RRM2: variants seen among roughly 807,000 people sequenced by gnomAD.
The protein encoded by RRM2 is ribonucleoside-diphosphate reductase subunit M2.
A neutral mutation model predicts 45.9 loss-of-function variants in RRM2; 6 were observed. The ratio of observed to expected loss-of-function variants is 0.13; its 90% CI spans 0.07 to 0.26. The LOEUF (loss-of-function observed/expected upper bound fraction) is 0.26, where lower values mean the gene tolerates loss of function less well. RRM2 is among the 10% of genes least tolerant of loss of function. The probability of loss-of-function intolerance (pLI) is 1.00; values close to 1 mark genes in which losing one functional copy is unlikely to be tolerated. For missense variants in RRM2, 343 were observed against 489.5 expected, an observed-to-expected ratio of 0.70 and a Z score of 2.82; for synonymous variants, 177 against 173.0, an observed-to-expected ratio of 1.02 and a Z score of -0.18.
upstream of RRM2, among the ~76,000 whole-genome samples, chr2:10,139,682 CTGTT>C (rs1252724439): frequency 6.6e-6 from 1 of 152,166 alleles, no homozygotes; most frequent in African/African-American, 2.4e-5. Flanking sequence ...CGGTTTTGCT[CTGTT>C]TGGGGCGTTT....
rs1368299387 is a variant in RRM2 at position 10,122,822 on chromosome 2, C to T, written c.24C>T (p.Leu8=). MLSLRVP[L]APITDPQQLQ... ...CTATGCTCTCCCTCCGTGTCCCGCT[C>T]GCGCCCATCACGGACCCGCAGCAGC... Residue 8 remains leucine, a synonymous_variant, in exon 1 of 10, where the codon CTC becomes CTT. Coordinates refer to ENST00000304567, the MANE Select transcript of RRM2 (RefSeq NM_001034.4). The T allele has an allele frequency of 3.1e-6, 5 of 1,597,138 alleles. No homozygotes were observed. Among genetic ancestry groups the T allele is most frequent in the Admixed American group, 3.5e-5 (2 of 57,492 alleles).
intron 3 of RRM2, among the ~76,000 whole-genome samples, chr2:10,208,699 C>T (rs2125336148): frequency 6.6e-6 from 1 of 152,270 alleles, no homozygotes; most frequent in Admixed American, 6.5e-5. Flanking sequence ...TATTTGGCAT[C>T]TTTCTCTCCC....
chr2:10,137,502 C>T (rs2125310719), upstream of RRM2, among the ~76,000 whole-genome samples: 1 of 152,340 alleles, frequency 6.6e-6, no homozygotes, highest in South Asian at 2.1e-4. Flanking sequence ...GGGATCCTGT[C>T]CATATAGGAC....
intron 3 of RRM2, among the ~76,000 whole-genome samples, chr2:10,198,023 G>A (rs966130414): frequency 6.6e-6 from 1 of 152,184 alleles, no homozygotes; most frequent in Non-Finnish European, 1.5e-5. Flanking sequence ...CTCTGTCGTT[G>A]TAGGTGTAGA....
In RRM2 at chr2:10,144,665, T is replaced by C. The variant is rs759342; in HGVS notation, n.482+2290T>C. 3.0e-4 allele frequency among the ~76,000 whole-genome samples: 45 copies of C among 152,324 alleles called. No individual in the cohort carries two copies. The East Asian group carries it at 7.1e-3, about 24-fold the overall frequency. On this transcript the variant is annotated intron_variant and non_coding_transcript_variant, in intron 3 of 3. Coordinates refer to the RRM2 transcript ENST00000381786. Reference sequence around the variant, plus strand: ...AAATTGTAGGGCTTCTACTTCCTTTTGAACGGAAGGGCTCCGGAGATATTT... The same window carrying C: ...AAATTGTAGGGCTTCTACTTCCTTTCGAACGGAAGGGCTCCGGAGATATTT...
chr2:10,184,685 G>C (rs7581117), intron 3 of RRM2, among the ~76,000 whole-genome samples: 33,239 of 152,128 alleles, frequency 0.22, 3,947 homozygotes, highest in East Asian at 0.51. Flanking sequence ...GAGACATGAG[G>C]TCTCTCGGTC....
At chr2:10,173,952 G>C (rs746056948) in intron 3 of RRM2, among the ~76,000 whole-genome samples, 4 of 152,194 alleles carry the variant, frequency 2.6e-5, no homozygotes, top group African/African-American at 4.8e-5. Flanking sequence ...CTTGGAGGTG[G>C]GACTGTGGAG....
chr2:10,177,710 T>TTCCTCCCTCCCTCCCTCCCTCC (rs1553326755), intron 3 of RRM2, among the ~76,000 whole-genome samples: 8 of 116,580 alleles, frequency 6.9e-5, no homozygotes, highest in African/African-American at 1.9e-4. Flanking sequence ...TTCCTTCCTC[T>TTCCTCCCTCCCTCCCTCCCTCC]CTCCCTCCCT....
downstream of RRM2, among the ~76,000 whole-genome samples, chr2:10,134,227 T>C (rs1447476858): frequency 2.7e-5 from 4 of 145,998 alleles, no homozygotes; most frequent in African/African-American, 5.1e-5. Flanking sequence ...GAAAGGAGAA[T>C]GACCTCTTTT....
intron 3 of RRM2, among the ~76,000 whole-genome samples, chr2:10,198,256 A>AGAAGTGGACTAAC (rs1664456572): frequency 2.6e-5 from 4 of 152,232 alleles, no homozygotes; most frequent in Non-Finnish European, 5.9e-5. Flanking sequence ...CTGGTCCTCC[A>AGAAGTGGACTAAC]GAAGTGGACT....
intron 3 of RRM2, among the ~76,000 whole-genome samples, chr2:10,201,241 A>C (rs1267791831): frequency 6.6e-6 from 1 of 152,192 alleles, no homozygotes; most frequent in African/African-American, 2.4e-5. Flanking sequence ...GGATACTCAC[A>C]GGTAGTTTCC....
rs537944613 is a variant in RRM2, at chr2:10,205,664, A to G, written n.483-4647A>G. The stretch of plus-strand genomic sequence containing the variant: ...GGATGGAAAACAAACACACAGTTTG[A>G]GAGGGTCCTTTTTATTTTTATTTTA... On this transcript the variant is annotated intron_variant and non_coding_transcript_variant, in intron 3 of 3. Coordinates refer to the RRM2 transcript ENST00000381786. This position sits in a 1 kb window ranked among gnomAD's most constrained non-coding sequence, Gnocchi z 4.8. 6.6e-6 allele frequency among the ~76,000 whole-genome samples: 1 copy of G among 152,242 alleles called. No individual in the cohort carries two copies. The highest frequency in any genetic ancestry group is 2.4e-5 in the African/African-American group (1 of 41,554).
At position 10,131,413 on chromosome 2, in the gene RRM2, C is replaced by T. The variant is rs1288926804; in HGVS notation, c.*2027C>T. 6.7e-6 allele frequency: 1 copy of T among 150,202 alleles called. No individual in the cohort carries two copies. Among genetic ancestry groups the T allele is most frequent in the African/African-American group, 2.5e-5 (1 of 39,980 alleles). 9.3% of individuals were successfully genotyped at this position (150,202 alleles called of 1,614,324 possible). A position where few individuals can be genotyped will look rare whatever the true frequency, so the allele number is the denominator to read the frequency against. ...GATTAAAATAAAACTGTTCTTATGT[C>T]AGTTTCTTGATTGGTAAAATTTGCA... is the stretch of plus-strand genomic sequence containing the variant. On this transcript the variant is annotated 3_prime_UTR_variant, in exon 10 of 10. Transcript: ENST00000304567.
chr2:10,173,596 G>A (rs1489473511), intron 3 of RRM2, among the ~76,000 whole-genome samples: 1 of 152,246 alleles, frequency 6.6e-6, no homozygotes, highest in African/African-American at 2.4e-5. Context: ...CGGAGCTTGG[G>A]AGCCTCACCT....
At chr2:10,201,233 A>C (rs1664565242) in intron 3 of RRM2, among the ~76,000 whole-genome samples, 1 of 152,154 alleles carries the variant, frequency 6.6e-6, no homozygotes. Flanking sequence ...TAATTTAAGG[A>C]TACTCACAGG....
At chr2:10,170,974 C>T (rs886515640) in intron 3 of RRM2, among the ~76,000 whole-genome samples, 18 of 152,264 alleles carry the variant, frequency 1.2e-4, no homozygotes, top group Non-Finnish European at 2.1e-4. Context: ...CCAGCCCAGG[C>T]ACCTCGGGGC....
At chr2:10,138,843 C>T (rs1362556504), upstream of RRM2, among the ~76,000 whole-genome samples, 1 of 152,074 alleles carries the variant, frequency 6.6e-6, no homozygotes, top group Non-Finnish European at 1.5e-5. Flanking sequence ...CGTGGTGGCT[C>T]ACGCCTGTAA....
At chr2:10,167,176 T>C (rs934106250) in intron 3 of RRM2, among the ~76,000 whole-genome samples, 2 of 152,236 alleles carry the variant, frequency 1.3e-5, no homozygotes, top group Non-Finnish European at 2.9e-5. Context: ...GACTGTTTTA[T>C]CTGCCTTGGT....
chr2:10,156,555 G>T (rs909076098), intron 3 of RRM2, among the ~76,000 whole-genome samples: 1 of 152,232 alleles, frequency 6.6e-6, no homozygotes, highest in Non-Finnish European at 1.5e-5. Flanking sequence ...CACAGAAAGA[G>T]AGAACAGAGG....
Sources: allele counts gnomAD v4.1 joint callset (sites outside exome capture counted in the v4.1 genomes callset), GRCh38; gene constraint gnomAD v4.1.1; non-coding constraint Gnocchi (gnomAD v3.1); transcripts MANE v1.5; gene names NCBI Gene and HGNC (gene_info 2026-07-23, HGNC 2026-07-21).